RALA: variants seen among roughly 807,000 people sequenced by gnomAD.
RALA encodes RAS like proto-oncogene A, also known as ras-related protein Ral-A.
In RALA, 5 loss-of-function variants were observed where a neutral mutation model predicts 24.0. The ratio of observed to expected loss-of-function variants is 0.21; its 90% CI spans 0.11 to 0.44. The LOEUF is 0.44. Among genes scored for constraint, RALA ranks in the 20% least tolerant of loss-of-function variants. The probability of loss-of-function intolerance (pLI) is 0.99; values close to 1 mark genes in which losing one functional copy is unlikely to be tolerated. For synonymous variants in RALA, 77 were observed against 83.8 expected (o/e 0.92, Z 0.44); for missense variants, 95 against 241.2 (o/e 0.39, Z 4.01).
At chr7:39,651,178 T>A (rs1230400046) in intron 1 of RALA, among the ~76,000 whole-genome samples, 1 of 152,256 alleles carries the variant, frequency 6.6e-6, no homozygotes, top group East Asian at 1.9e-4. Context: ...AGGCTTTGTG[T>A]TAGTTGATTT....
chr7:39,648,279 C>T (rs990815122), intron 1 of RALA, among the ~76,000 whole-genome samples: 1 of 152,060 alleles, frequency 6.6e-6, no homozygotes, highest in African/African-American at 2.4e-5. Context: ...GAACCTAGGC[C>T]CATTGACTTA....
rs141576373 is a variant in RALA, at chr7:39,697,940, C to G, written c.498+1081C>G. 3.2e-3 allele frequency among the ~76,000 whole-genome samples: 425 copies of G among 133,022 alleles called. 2 individuals carry two copies. Among genetic ancestry groups the G allele is most frequent in the African/African-American group, 0.011 (404 of 35,466 alleles). 87.3% of individuals were successfully genotyped at this position (133,022 alleles called of 152,430 possible). ...ATACGAATTTTTTCTAAGGTTAGGA[C>G]TAGGGCAAGTGTGTGTGTGTGTGTG... On this transcript the variant is annotated intron_variant, in intron 4 of 4. Transcript: ENST00000005257.
At chr7:39,671,727 C>T (rs545645614) in intron 1 of RALA, among the ~76,000 whole-genome samples, 3 of 152,298 alleles carry the variant, frequency 2.0e-5, no homozygotes, top group East Asian at 3.9e-4. Flanking sequence ...TTTAAGCCAT[C>T]AACTACTGTA....
At chr7:39,689,805 A>G (rs1211820066) in intron 2 of RALA, among the ~76,000 whole-genome samples, 1 of 152,232 alleles carries the variant, frequency 6.6e-6, no homozygotes, top group Admixed American at 6.5e-5. Context: ...AAGGTATATT[A>G]AAGTGAGATT....
chr7:39,706,753 G>T lies in RALA; in HGVS notation c.*508G>T. ...TGGTTGTTGCATATAGTTAAACTGA[G>T]AGTAATTCATCTGTGAATCTGCTTT... On this transcript the variant is annotated 3_prime_UTR_variant, in exon 5 of 5. Transcript: ENST00000005257. The T allele has an allele frequency of 6.6e-6, 1 of 152,474 alleles. No homozygotes were observed. The highest frequency in any genetic ancestry group is 1.5e-5 in the Non-Finnish European group (1 of 68,100). 9.4% of individuals were successfully genotyped at this position (152,474 alleles called of 1,614,324 possible). A position where few individuals can be genotyped will look rare whatever the true frequency, so the allele number is the denominator to read the frequency against.
At chr7:39,642,063 A>G (rs1287135592) in intron 1 of RALA, among the ~76,000 whole-genome samples, 1 of 152,188 alleles carries the variant, frequency 6.6e-6, no homozygotes, top group East Asian at 1.9e-4. Context: ...TTTCTACCCA[A>G]GAGAGAGACT....
chr7:39,647,709 A>G (rs1791950735), intron 1 of RALA, among the ~76,000 whole-genome samples: 1 of 152,144 alleles, frequency 6.6e-6, no homozygotes, highest in Non-Finnish European at 1.5e-5. Context: ...TCCTTATTGA[A>G]AAAGACCCCA....
chr7:39,681,697 T>C (rs764952694), intron 1 of RALA, among the ~76,000 whole-genome samples: 2 of 152,194 alleles, frequency 1.3e-5, no homozygotes, highest in Non-Finnish European at 2.9e-5. Flanking sequence ...TTCTCGTATC[T>C]ATCTTCATCT....
intron 3 of RALA, among the ~76,000 whole-genome samples, chr7:39,693,230 A>G (rs892006434): frequency 2.2e-4 from 33 of 152,226 alleles, no homozygotes; most frequent in Non-Finnish European, 2.6e-4. Context: ...ATGGAATACT[A>G]TGCAGCCATA....
At chr7:39,666,238 GC>G (rs1792285326) in intron 1 of RALA, among the ~76,000 whole-genome samples, 1 of 152,064 alleles carries the variant, frequency 6.6e-6, no homozygotes, top group African/African-American at 2.4e-5. Context: ...GGGTGTCAGG[GC>G]CACAAAGGTG....
intron 1 of RALA, among the ~76,000 whole-genome samples, chr7:39,661,376 C>A (rs1456220799): frequency 6.6e-6 from 1 of 152,220 alleles, no homozygotes; most frequent in Non-Finnish European, 1.5e-5. Context: ...GTCCACAGTT[C>A]AGTCACATCT....
rs533375996 is a variant in RALA at position 39,691,541 on chromosome 7, C to T, written c.323+951C>T. Among the ~76,000 whole-genome samples the T allele has an allele frequency of 4.2e-4, 64 of 152,190 alleles. No homozygotes were observed. The South Asian group carries it at 0.013, about 31-fold the overall frequency. ...GGGAAACCTTCATGAAATAGATGAG[C>T]TTGAAGAAAAGAAGGATTTTCACAC... On this transcript the variant is annotated intron_variant, in intron 3 of 4. Transcript: ENST00000005257.
chr7:39,676,480 G>A (rs192007024), intron 1 of RALA, among the ~76,000 whole-genome samples: 408 of 152,276 alleles, frequency 2.7e-3, no homozygotes, highest in Non-Finnish European at 4.1e-3. Context: ...TAGAATATTT[G>A]CATTATACTT....
chr7:39,641,659 T>C (rs1791819776), intron 1 of RALA, among the ~76,000 whole-genome samples: 2 of 152,222 alleles, frequency 1.3e-5, no homozygotes, highest in Non-Finnish European at 2.9e-5. Context: ...TTTGAAGTGA[T>C]TTTTGTTTTA....
At chr7:39,698,317 T>C (rs938757906) in intron 4 of RALA, among the ~76,000 whole-genome samples, 22 of 152,304 alleles carry the variant, frequency 1.4e-4, no homozygotes, top group African/African-American at 5.3e-4. Flanking sequence ...GCATGCCCTA[T>C]CATAGTTTCC....
At chr7:39,672,400 C>T (rs1035095008) in intron 1 of RALA, among the ~76,000 whole-genome samples, 3 of 152,062 alleles carry the variant, frequency 2.0e-5, no homozygotes, top group Non-Finnish European at 2.9e-5. Context: ...TGGGACAGTG[C>T]CAGGATGTGA....
chr7:39,659,148 G>GT (rs1156625823), intron 1 of RALA, among the ~76,000 whole-genome samples: 8 of 152,116 alleles, frequency 5.3e-5, no homozygotes, highest in African/African-American at 1.9e-4. Context: ...GTCAGGTATG[G>GT]TGGTGCTGCT....
rs548116472 is a variant in RALA, at chr7:39,641,359, A to G, written c.-38+17534A>G. 2.6e-5 allele frequency among the ~76,000 whole-genome samples: 4 copies of G among 152,354 alleles called. No individual in the cohort carries two copies. In the East Asian group the frequency reaches 7.7e-4, roughly 29 times the overall value. On this transcript the variant is annotated intron_variant, in intron 1 of 4. Coordinates refer to ENST00000005257, the MANE Select transcript of RALA (RefSeq NM_005402.4). Reference sequence around the variant, plus strand: ...TCATATTGAAACAAACATATATGATACTTGGTTTATGCTAAAACATTCCAC... The same window carrying G: ...TCATATTGAAACAAACATATATGATGCTTGGTTTATGCTAAAACATTCCAC...
chr7:39,623,677 C>T lies in RALA; in HGVS notation c.-186C>T, dbSNP rs1371455310. 6.4e-6 allele frequency: 1 copy of T among 156,374 alleles called. No homozygotes were observed. The highest frequency in any genetic ancestry group is 1.4e-5 in the Non-Finnish European group (1 of 70,918). 9.7% of individuals were successfully genotyped at this position (156,374 alleles called of 1,614,324 possible). ...CCTCCTCCTCCTCCTCCTCCAGCCG[C>T]CCAGGCTCCCCCGCCACCCGTCAGA... is the stretch of plus-strand genomic sequence containing the variant. On this transcript the variant is annotated 5_prime_UTR_variant, in exon 1 of 5. Coordinates refer to ENST00000005257, the MANE Select transcript of RALA (RefSeq NM_005402.4). The surrounding 1 kb of genome is among the most constrained non-coding windows in gnomAD (Gnocchi z 4.9).
Sources: allele counts gnomAD v4.1 joint callset (sites outside exome capture counted in the v4.1 genomes callset), GRCh38; gene constraint gnomAD v4.1.1; non-coding constraint Gnocchi (gnomAD v3.1); transcripts MANE v1.5; gene names NCBI Gene and HGNC (gene_info 2026-07-23, HGNC 2026-07-21).